Variants in DTX4 observed in about 807,000 individuals in gnomAD.
The protein encoded by DTX4 is deltex E3 ubiquitin ligase 4.
DTX4 carries 28 observed loss-of-function variants against 57.6 expected under a neutral mutation model. The ratio of observed to expected loss-of-function variants is 0.49; its 90% CI spans 0.36 to 0.67. The LOEUF (loss-of-function observed/expected upper bound fraction) is 0.67, where lower values mean the gene tolerates loss of function less well. Ranked by LOEUF, DTX4 falls within the 30% of genes least tolerant of loss-of-function variation. The pLI is 0.00. For synonymous variants in DTX4, 316 were observed against 331.0 expected, an observed-to-expected ratio of 0.95 and a Z score of 0.49; for missense variants, 715 against 836.8, an observed-to-expected ratio of 0.85 and a Z score of 1.80.
At chr11:59,179,853 A>G (rs1260333814) in intron 1 of DTX4, among the ~76,000 whole-genome samples, 1 of 152,032 alleles carries the variant, frequency 6.6e-6, no homozygotes, top group Admixed American at 6.6e-5. Context: ...ATCCTGTGTC[A>G]GTTATATAGA....
intron 1 of DTX4, 35 bp from the exon 2 acceptor site, chr11:59,181,704 C>T: frequency 6.4e-7 from 1 of 1,553,304 alleles, no homozygotes; most frequent in South Asian, 1.2e-5. Flanking sequence ...TAATTGCATG[C>T]TGACTCTGAC....
At position 59,199,671 on chromosome 11, in the gene DTX4, T is replaced by C; in HGVS notation, c.1537-13T>C. On this transcript the variant is annotated splice_polypyrimidine_tract_variant and intron_variant, in intron 7 of 8. Coordinates refer to ENST00000227451, the MANE Select transcript of DTX4 (RefSeq NM_015177.2). ...TGAAAAATGCCATTTGCTTGCTTGC[T>C]TTCTGCTTTCAGGGACCGGAACACC... 1 of 1,564,564 alleles carries C rather than the reference T, an allele frequency of 6.4e-7. No homozygotes were observed. The highest frequency in any genetic ancestry group is 8.7e-7 in the Non-Finnish European group (1 of 1,154,058).
At chr11:59,173,598 C>T (rs893227700) in intron 1 of DTX4, among the ~76,000 whole-genome samples, 2 of 152,192 alleles carry the variant, frequency 1.3e-5, no homozygotes, top group African/African-American at 4.8e-5. Context: ...TAAGGAGAAA[C>T]TGTCCCCAGG....
intron 6 of DTX4, among the ~76,000 whole-genome samples, chr11:59,193,130 A>G (rs183025291): frequency 1.3e-5 from 2 of 151,004 alleles, no homozygotes; most frequent in Admixed American, 6.5e-5. Flanking sequence ...GGTCTGGTCT[A>G]TACGTCTCTT....
intron 8 of DTX4, among the ~76,000 whole-genome samples, chr11:59,204,001 A>G (rs974554585): frequency 9.2e-5 from 14 of 152,206 alleles, no homozygotes; most frequent in Non-Finnish European, 1.5e-5. Flanking sequence ...CATGCTGGAC[A>G]CTACTCTGAC....
chr11:59,197,248 G>T (rs1862683699), intron 7 of DTX4, among the ~76,000 whole-genome samples: 1 of 152,160 alleles, frequency 6.6e-6, no homozygotes, highest in Non-Finnish European at 1.5e-5. Flanking sequence ...GTCTGGAAGG[G>T]TTAGAGGAGA....
Position 59,207,904 on chromosome 11 carries a change from A to G in DTX4, c.*2995A>G, listed in dbSNP as rs542281310. On this transcript the variant is annotated 3_prime_UTR_variant, in exon 9 of 9. Transcript: ENST00000227451. Reference sequence around the variant, plus strand: ...TGTGGTTTTATACTTGGTCAAAAGTACTCGTCTTGGTATTGCACTGTTGTG... The same window carrying G: ...TGTGGTTTTATACTTGGTCAAAAGTGCTCGTCTTGGTATTGCACTGTTGTG... The G allele has an allele frequency of 2.0e-5, 3 of 151,940 alleles. No individual in the cohort carries two copies. The highest frequency in any genetic ancestry group is 6.6e-5 in the Admixed American group (1 of 15,172). 9.4% of individuals were successfully genotyped at this position (151,940 alleles called of 1,614,324 possible).
At chr11:59,193,997 C>T (rs375870347) in intron 6 of DTX4, among the ~76,000 whole-genome samples, 9 of 152,112 alleles carry the variant, frequency 5.9e-5, no homozygotes, top group Non-Finnish European at 1.3e-4. Flanking sequence ...CTCCTTTTTG[C>T]GAGCCTGGGA....
Position 59,183,353 on chromosome 11 carries a change from T to G in DTX4, c.935+891T>G, listed in dbSNP as rs542774882. On this transcript the variant is annotated intron_variant, in intron 2 of 8. Coordinates refer to ENST00000227451, the MANE Select transcript of DTX4 (RefSeq NM_015177.2). ...TTATGTGCCAGGCACTTTCCATACA[T>G]TGTCTCAGTTATTTCTGTGACAACC... Among the ~76,000 whole-genome samples the G allele has an allele frequency of 1.3e-4, 20 of 152,332 alleles. No homozygotes were observed. The South Asian group carries it at 4.1e-3, about 32-fold the overall frequency.
At position 59,192,159 on chromosome 11, in the gene DTX4, C is replaced by A. The variant is rs201910679; in HGVS notation, c.1283C>A (p.Thr428Lys). 1 of 1,613,956 alleles carries A rather than the reference C, an allele frequency of 6.2e-7. No homozygotes were observed. Among genetic ancestry groups the A allele is most frequent in the Admixed American group, 1.7e-5 (1 of 60,028 alleles). ...APSGYKGPQP[T>K]VKPDLVGKLS... ...TCAGGCTACAAGGGCCCGCAGCCTA[C>A]GGTAAAACCTGACCTGGTAGGGAAG... The change falls in exon 6 of 9, where the codon ACG becomes AAG. Residue 428 changes from threonine (T) to lysine (K), a missense_variant. Physicochemically the swap from Thr to Lys is moderately conservative, Grantham distance 78 (BLOSUM62 -1). Coordinates refer to ENST00000227451, the MANE Select transcript of DTX4 (RefSeq NM_015177.2).
chr11:59,181,839 C>G lies in DTX4; in HGVS notation c.312C>G (p.Pro104=). 1 of 1,613,992 alleles carries G rather than the reference C, an allele frequency of 6.2e-7. No homozygotes were observed. ...EWENDNGSWT[P]YDMEVGITIQ... The stretch of plus-strand genomic sequence containing the variant: ...AGAACGACAATGGCTCCTGGACGCC[C>G]TACGACATGGAAGTGGGCATCACCA... The change falls in exon 2 of 9, where the codon CCC becomes CCG. Residue 104 remains proline, a synonymous_variant. Coordinates refer to ENST00000227451, the MANE Select transcript of DTX4 (RefSeq NM_015177.2).
Position 59,192,141 on chromosome 11 carries a change from A to T in DTX4, c.1265A>T (p.Tyr422Phe). The change falls in exon 6 of 9, where the codon TAC (tyrosine) becomes TTC (phenylalanine). Residue 422 changes from tyrosine to phenylalanine, a missense_variant. By Grantham distance (22) the Tyr-to-Phe change is conservative. Coordinates refer to ENST00000227451, the MANE Select transcript of DTX4 (RefSeq NM_015177.2). ...GAACGCCTCACGGCCCCCTCAGGCT[A>T]CAAGGGCCCGCAGCCTACGGTAAAA... Reference protein sequence around the residue: ...CMERLTAPSGYKGPQPTVKPD... With the variant: ...CMERLTAPSGFKGPQPTVKPD... 6.2e-7 allele frequency: 1 copy of T among 1,613,928 alleles called. No individual in the cohort carries two copies. Among genetic ancestry groups the T allele is most frequent in the South Asian group, 1.1e-5 (1 of 91,082 alleles).
At chr11:59,201,064 T>C (rs188099430) in intron 8 of DTX4, among the ~76,000 whole-genome samples, 130 of 152,282 alleles carry the variant, frequency 8.5e-4, no homozygotes, top group African/African-American at 3.1e-3. Context: ...AAGTCCAAGA[T>C]CAAGGCACAG....
At position 59,172,821 on chromosome 11, in the gene DTX4, C is replaced by A; in HGVS notation, c.211+15C>A. The A allele has an allele frequency of 6.6e-7, 1 of 1,517,212 alleles. No individual in the cohort carries two copies. Among genetic ancestry groups the A allele is most frequent in the Non-Finnish European group, 8.9e-7 (1 of 1,127,668 alleles). The allele number at this position is 1,517,212 out of a possible 1,614,324, so 94.0% of individuals were successfully genotyped here. A position where few individuals can be genotyped will look rare whatever the true frequency, so the allele number is the denominator to read the frequency against. On this transcript the variant is annotated intron_variant, in intron 1 of 8. Transcript: ENST00000227451. ...CCAAGACACGGGTGAGCCAGCCGCC[C>A]CTGACCCCGCCCCGCCTGCTCCCAC...
chr11:59,201,840 G>A (rs1263531893), intron 8 of DTX4, among the ~76,000 whole-genome samples: 3 of 152,166 alleles, frequency 2.0e-5, no homozygotes, highest in African/African-American at 7.2e-5. Context: ...GTTGCCAAGA[G>A]CTGCTTTTCT....
At chr11:59,191,803 T>C (rs916157734) in intron 5 of DTX4, among the ~76,000 whole-genome samples, 1 of 152,242 alleles carries the variant, frequency 6.6e-6, no homozygotes, top group Non-Finnish European at 1.5e-5. Flanking sequence ...TTGACAGTAT[T>C]TGTTTCCTCC....
chr11:59,195,229 A>G lies in DTX4; in HGVS notation c.1396A>G (p.Thr466Ala). 2 of 1,613,944 alleles carry G rather than the reference A, an allele frequency of 1.2e-6. No individual in the cohort carries two copies. Among genetic ancestry groups the G allele is most frequent in the East Asian group, 4.5e-5 (2 of 44,874 alleles). The change falls in exon 7 of 9, where the codon ACC becomes GCC. Residue 466 changes from threonine (T) to alanine (A), a missense_variant. By Grantham distance (58) the Thr-to-Ala change is moderately conservative. Coordinates refer to ENST00000227451, the MANE Select transcript of DTX4 (RefSeq NM_015177.2). ...TCAGGATGGAAGTTTGCAGTGTCCA[A>G]CCTGCAAGACCATTTATGGGGTGAA... is the stretch of plus-strand genomic sequence containing the variant. The part of the protein sequence containing the change: ...GNKDGSLQCP[T>A]CKTIYGVKTG...
rs139111851 is a variant in DTX4 at position 59,189,629 on chromosome 11, A to G, written c.1159+306A>G. Among the ~76,000 whole-genome samples the G allele has an allele frequency of 3.5e-3, 527 of 152,288 alleles. 2 individuals are homozygous for G. Among genetic ancestry groups the G allele is most frequent in the African/African-American group, 0.011 (466 of 41,548 alleles). On this transcript the variant is annotated intron_variant, in intron 4 of 8. Coordinates refer to ENST00000227451, the MANE Select transcript of DTX4 (RefSeq NM_015177.2). ...GACTTTGGCATTGGAACCAAAACAG[A>G]CTGGATTCAAATCGTACCTTTGTTT... is the stretch of plus-strand genomic sequence containing the variant.
Position 59,172,670 on chromosome 11 carries a change from G to A in DTX4, c.75G>A (p.Ala25=), listed in dbSNP as rs779446890. 11 of 1,599,866 alleles carry A rather than the reference G, an allele frequency of 6.9e-6. No individual in the cohort carries two copies. In the East Asian group the frequency reaches 2.5e-4, roughly 36 times the overall value. Residue 25 remains alanine (A), a synonymous_variant, in exon 1 of 9, where the codon GCG becomes GCA. Coordinates refer to ENST00000227451, the MANE Select transcript of DTX4 (RefSeq NM_015177.2). ...EHGRWRPYSP[A]VSHHIEAVVR... is the part of the protein sequence containing the mutation. ...GCCGCTGGCGTCCCTACAGCCCAGCGGTGAGCCACCACATCGAGGCGGTGG... is the reference window on the plus strand; with the variant it reads ...GCCGCTGGCGTCCCTACAGCCCAGCAGTGAGCCACCACATCGAGGCGGTGG...
Sources: gnomAD v4.1 joint callset for allele counts (sites outside exome capture counted in the v4.1 genomes callset) on GRCh38, gnomAD v4.1.1 for gene constraint, MANE v1.5 for transcripts, NCBI Gene and HGNC (gene_info 2026-07-23, HGNC 2026-07-21) for gene names.